ARHGAP15: variants seen among roughly 807,000 people sequenced by gnomAD.
ARHGAP15 encodes rho GTPase-activating protein 15.
A neutral mutation model predicts 63.7 loss-of-function variants in ARHGAP15; 51 were observed. The ratio of observed to expected loss-of-function variants is 0.80; its 90% CI spans 0.64 to 1.01. The LOEUF (loss-of-function observed/expected upper bound fraction) is 1.01. Ranked by LOEUF, ARHGAP15 falls within the 50% of genes least tolerant of loss-of-function variation. ARHGAP15 has a pLI of 0.00. For synonymous variants in ARHGAP15, 191 were observed against 193.8 expected, an observed-to-expected ratio of 0.99 and a Z score of 0.12; for missense variants, 560 against 564.6, an observed-to-expected ratio of 0.99 and a Z score of 0.08.
At chr2:143,240,492 T>G (rs1012074216) in intron 5 of ARHGAP15, among the ~76,000 whole-genome samples, 3 of 152,152 alleles carry the variant, frequency 2.0e-5, no homozygotes, top group Admixed American at 2.0e-4. Flanking sequence ...AGACCCCTGC[T>G]TAAGAAGATC....
In ARHGAP15 at chr2:143,369,124, A is replaced by T. The variant is rs993033723; in HGVS notation, c.475-66477A>T. On this transcript the variant is annotated intron_variant, in intron 6 of 13. Transcript: ENST00000295095. ...AACCCTGATGGTAGTAAATTCTAAAAATGGCAGAATTTAGTTTTAAATGCA... is the reference window on the plus strand; with the variant it reads ...AACCCTGATGGTAGTAAATTCTAAATATGGCAGAATTTAGTTTTAAATGCA... Among the ~76,000 whole-genome samples, 20 of 152,310 alleles carry T rather than the reference A, an allele frequency of 1.3e-4. No homozygotes were observed. The East Asian group carries it at 2.9e-3, about 22-fold the overall frequency.
At chr2:143,212,252 C>T (rs1692590766) in intron 3 of ARHGAP15, among the ~76,000 whole-genome samples, 1 of 152,194 alleles carries the variant, frequency 6.6e-6, no homozygotes, top group Non-Finnish European at 1.5e-5. Context: ...TCGCCTCCAA[C>T]GTAGGTTGAT....
At chr2:143,726,684 G>A (rs1193488597) in intron 13 of ARHGAP15, among the ~76,000 whole-genome samples, 1 of 152,158 alleles carries the variant, frequency 6.6e-6, no homozygotes, top group Non-Finnish European at 1.5e-5. Flanking sequence ...GGCCAGCTCT[G>A]GACGGCACAT....
At chr2:143,482,418 T>C (rs1368906436) in intron 8 of ARHGAP15, among the ~76,000 whole-genome samples, 2 of 152,218 alleles carry the variant, frequency 1.3e-5, no homozygotes, top group African/African-American at 4.8e-5. Context: ...TCCAGTAAAG[T>C]GTCCTTTTAT....
At chr2:143,424,741 C>G (rs1689072393) in intron 6 of ARHGAP15, among the ~76,000 whole-genome samples, 1 of 152,090 alleles carries the variant, frequency 6.6e-6, no homozygotes, top group South Asian at 2.1e-4. Flanking sequence ...ATTATGTGTC[C>G]CATCTTGAAT....
At chr2:143,253,484 C>G (rs1187407305) in intron 6 of ARHGAP15, among the ~76,000 whole-genome samples, 3 of 151,910 alleles carry the variant, frequency 2.0e-5, no homozygotes, top group Non-Finnish European at 4.4e-5. Context: ...TTGACATGGA[C>G]TGAATCTTAT....
At position 143,624,419 on chromosome 2, in the gene ARHGAP15, G is replaced by T. The variant is rs762745812; in HGVS notation, c.1138+152G>T. On this transcript the variant is annotated intron_variant, in intron 12 of 13. Coordinates refer to ENST00000295095, the MANE Select transcript of ARHGAP15 (RefSeq NM_018460.4). ...TACGTTTTCGTTTTTGTGTTTTGATGGCTTGTTTTATTTCTGGCCCTGCAG... is the reference window on the plus strand; with the variant it reads ...TACGTTTTCGTTTTTGTGTTTTGATTGCTTGTTTTATTTCTGGCCCTGCAG... 125 of 925,340 alleles carry T rather than the reference G, an allele frequency of 1.4e-4. 1 individual carries two copies. The highest frequency in any genetic ancestry group is 3.0e-4 in the Admixed American group (9 of 30,018). 57.3% of individuals were successfully genotyped at this position (925,340 alleles called of 1,614,324 possible).
intron 3 of ARHGAP15, among the ~76,000 whole-genome samples, chr2:143,203,727 C>G (rs976235488): frequency 6.6e-6 from 1 of 151,958 alleles, no homozygotes; most frequent in African/African-American, 2.4e-5. Context: ...ACCCCCTTTA[C>G]TGGTCCCTCT....
chr2:143,384,558 T>C (rs1204173712), intron 6 of ARHGAP15, among the ~76,000 whole-genome samples: 1 of 91,676 alleles, frequency 1.1e-5, no homozygotes, highest in Non-Finnish European at 2.3e-5. Context: ...CCTATGTGTT[T>C]TAGAGTTAAA....
At chr2:143,715,720 G>T (rs528611432) in intron 13 of ARHGAP15, among the ~76,000 whole-genome samples, 3 of 152,134 alleles carry the variant, frequency 2.0e-5, no homozygotes, top group Non-Finnish European at 4.4e-5. Context: ...AAGTTCTTTA[G>T]TTCAATCAGA....
At chr2:143,134,520 T>C (rs1689051925) in intron 1 of ARHGAP15, among the ~76,000 whole-genome samples, 1 of 152,180 alleles carries the variant, frequency 6.6e-6, no homozygotes, top group Admixed American at 6.5e-5. Context: ...TTCTCAGCTG[T>C]ATAACTAAAG....
chr2:143,316,602 A>AAT (rs1683732804), intron 6 of ARHGAP15, among the ~76,000 whole-genome samples: 1 of 137,404 alleles, frequency 7.3e-6, no homozygotes, highest in African/African-American at 3.2e-5. Context: ...TATATATTTT[A>AAT]ATATATATAA....
chr2:143,186,895 A>T (rs1272046635), intron 2 of ARHGAP15, among the ~76,000 whole-genome samples: 3 of 152,180 alleles, frequency 2.0e-5, no homozygotes, highest in South Asian at 4.1e-4. Context: ...AGTTATTTTT[A>T]AAAAATTAAT....
chr2:143,145,014 T>G (rs1689521962), intron 1 of ARHGAP15, among the ~76,000 whole-genome samples: 1 of 152,090 alleles, frequency 6.6e-6, no homozygotes, highest in African/African-American at 2.4e-5. Context: ...CTCATTCTCC[T>G]TAAATGGGAA....
rs575857823 is a variant in ARHGAP15 at position 143,201,970 on chromosome 2, C to T, written c.166-164C>T. The stretch of plus-strand genomic sequence containing the variant: ...GCTTGCAGCCAGCCATCTTTGAGTA[C>T]GTATTTTATTTAAATTAGTCAATGT... On this transcript the variant is annotated intron_variant, in intron 2 of 13. Transcript: ENST00000295095. 6.0e-4 allele frequency among the ~76,000 whole-genome samples: 92 copies of T among 152,156 alleles called. 2 individuals carry two copies. The South Asian group carries it at 7.7e-3, about 13-fold the overall frequency.
intron 10 of ARHGAP15, among the ~76,000 whole-genome samples, chr2:143,524,957 T>C (rs2104998193): frequency 6.6e-6 from 1 of 152,324 alleles, no homozygotes; most frequent in East Asian, 1.9e-4. Context: ...TTTCCTGATA[T>C]TTGATCCAGT....
chr2:143,280,644 A>G (rs1034943962), intron 6 of ARHGAP15, among the ~76,000 whole-genome samples: 1 of 152,258 alleles, frequency 6.6e-6, no homozygotes, highest in Admixed American at 6.5e-5. Flanking sequence ...TACCAGCTTC[A>G]TTCATCAAAA....
chr2:143,686,572 C>A (rs1683360151), intron 12 of ARHGAP15, among the ~76,000 whole-genome samples: 1 of 151,868 alleles, frequency 6.6e-6, no homozygotes, highest in Admixed American at 6.6e-5. Flanking sequence ...TTTTTATATC[C>A]CTTAAAAGTG....
chr2:143,443,226 T>C (rs1448213983), intron 8 of ARHGAP15, among the ~76,000 whole-genome samples: 1 of 152,074 alleles, frequency 6.6e-6, no homozygotes, highest in African/African-American at 2.4e-5. Context: ...TGCCAATGTA[T>C]GAAAATAATA....
Sources: allele counts gnomAD v4.1 joint callset (sites outside exome capture counted in the v4.1 genomes callset), GRCh38; gene constraint gnomAD v4.1.1; transcripts MANE v1.5; gene names NCBI Gene and HGNC (gene_info 2026-07-23, HGNC 2026-07-21).